Variants in MBNL1 observed in about 807,000 individuals in gnomAD.
MBNL1 encodes muscleblind-like protein 1.
In MBNL1, 8 loss-of-function variants were observed where a neutral mutation model predicts 42.2. The ratio of observed to expected loss-of-function variants is 0.19; its 90% CI spans 0.11 to 0.34. MBNL1 has a LOEUF of 0.34. Ranked by LOEUF, MBNL1 falls within the 10% of genes least tolerant of loss-of-function variation. MBNL1 has a pLI of 1.00. For synonymous variants in MBNL1, 169 were observed against 173.9 expected (o/e 0.97, Z 0.22); for missense variants, 309 against 495.3 (o/e 0.62, Z 3.57).
intron 2 of MBNL1, chr3:152,338,138 T>C: frequency 1.0e-6 from 1 of 985,046 alleles, no homozygotes; most frequent in Non-Finnish European, 1.2e-6. Context: ...CCATACCCAC[T>C]TCATCCGTGT....
chr3:152,303,344 ATACT>A (rs1008557578), intron 2 of MBNL1, among the ~76,000 whole-genome samples: 20 of 152,196 alleles, frequency 1.3e-4, no homozygotes, highest in African/African-American at 4.6e-4. Context: ...AATACTCTAA[ATACT>A]TAGTTTCTCT....
chr3:152,299,532 C>G lies in MBNL1; in HGVS notation c.-662C>G. The G allele has an allele frequency of 2.5e-6, 1 of 393,020 alleles. No homozygotes were observed. The highest frequency in any genetic ancestry group is 4.5e-6 in the Non-Finnish European group (1 of 222,780). 24.3% of individuals were successfully genotyped at this position (393,020 alleles called of 1,614,324 possible). On this transcript the variant is annotated 5_prime_UTR_variant, in exon 2 of 10. Coordinates refer to ENST00000324210, the MANE Select transcript of MBNL1 (RefSeq NM_021038.5). ...CAGCACATCCACCCTCCACCTCTAGCCCAGACACCCCCATTTCTACTTATA... is the reference window on the plus strand; with the variant it reads ...CAGCACATCCACCCTCCACCTCTAGGCCAGACACCCCCATTTCTACTTATA...
intron 2 of MBNL1, among the ~76,000 whole-genome samples, chr3:152,353,796 G>T (rs1013773225): frequency 6.6e-5 from 10 of 150,536 alleles, no homozygotes; most frequent in African/African-American, 2.0e-4. Flanking sequence ...CAAAATCTCT[G>T]CAGCCCACCC....
chr3:152,340,713 C>G, intron 2 of MBNL1: 1 of 1,614,016 alleles, frequency 6.2e-7, no homozygotes, highest in Non-Finnish European at 8.5e-7. Flanking sequence ...CGGGAGAACT[C>G]AAATGTTCCT....
At chr3:152,324,532 G>A (rs1384181077) in intron 2 of MBNL1, among the ~76,000 whole-genome samples, 2 of 152,100 alleles carry the variant, frequency 1.3e-5, no homozygotes, top group African/African-American at 2.4e-5. Flanking sequence ...TGGTGAGAGC[G>A]TTTACACTTT....
chr3:152,255,940 G>T (rs1051597794), intron 2 of MBNL1, among the ~76,000 whole-genome samples: 2 of 152,152 alleles, frequency 1.3e-5, no homozygotes, highest in African/African-American at 4.8e-5. Flanking sequence ...AAAGAGCCTG[G>T]GTCTCAAAGG....
chr3:152,295,746 G>T (rs2058280232), intron 1 of MBNL1, among the ~76,000 whole-genome samples: 1 of 152,184 alleles, frequency 6.6e-6, no homozygotes, highest in African/African-American at 2.4e-5. Context: ...GAAGGAATTT[G>T]CCAAGTTGCA....
At chr3:152,269,140 C>T (rs1309815721) in intron 1 of MBNL1, 48 bp downstream of exon 1, 1 of 439,578 alleles carries the variant, frequency 2.3e-6, no homozygotes, top group Admixed American at 2.4e-5. Context: ...ATTGTTCGGA[C>T]TCCGGCGGGT....
At chr3:152,413,601 C>T (rs893252946) in intron 2 of MBNL1, among the ~76,000 whole-genome samples, 2 of 152,098 alleles carry the variant, frequency 1.3e-5, no homozygotes, top group African/African-American at 4.8e-5. Flanking sequence ...GAGCCAAAAC[C>T]GATCATTTAA....
chr3:152,407,206 GTTCT>G (rs2098452313), intron 2 of MBNL1, among the ~76,000 whole-genome samples: 1 of 76,532 alleles, frequency 1.3e-5, no homozygotes, highest in African/African-American at 5.5e-5. Flanking sequence ...GTGGAAATAT[GTTCT>G]TTTTTTTTTT....
chr3:152,272,679 T>C (rs2042594488), intron 1 of MBNL1, among the ~76,000 whole-genome samples: 1 of 152,176 alleles, frequency 6.6e-6, no homozygotes, highest in South Asian at 2.1e-4. Flanking sequence ...GGGTATTGTT[T>C]TGAATATTAG....
chr3:152,286,272 A>G (rs183638127), intron 1 of MBNL1, among the ~76,000 whole-genome samples: 1 of 146,168 alleles, frequency 6.8e-6, no homozygotes, highest in East Asian at 2.0e-4. Context: ...TCCTTATTTT[A>G]TATTTTATTT....
intron 3 of MBNL1, among the ~76,000 whole-genome samples, chr3:152,425,568 A>G (rs1027551524): frequency 6.6e-6 from 1 of 151,912 alleles, no homozygotes; most frequent in Non-Finnish European, 1.5e-5. Context: ...AGATCACGCC[A>G]CTGCACTCCA....
intron 1 of MBNL1, among the ~76,000 whole-genome samples, chr3:152,288,321 T>C (rs1407255341): frequency 6.6e-6 from 1 of 152,170 alleles, no homozygotes. Flanking sequence ...TAATTAGAAG[T>C]GCATGCTGCT....
chr3:152,280,136 A>G (rs1223214248), intron 1 of MBNL1, among the ~76,000 whole-genome samples: 1 of 152,166 alleles, frequency 6.6e-6, no homozygotes, highest in African/African-American at 2.4e-5. Context: ...GCCATGTATC[A>G]TGCTATACCC....
chr3:152,261,555 T>C (rs928349042), intron 2 of MBNL1, among the ~76,000 whole-genome samples: 1 of 152,128 alleles, frequency 6.6e-6, no homozygotes, highest in African/African-American at 2.4e-5. Flanking sequence ...TGAATGACTT[T>C]AATCAGATAA....
At chr3:152,421,250 A>G (rs1006872608) in intron 3 of MBNL1, among the ~76,000 whole-genome samples, 4 of 152,228 alleles carry the variant, frequency 2.6e-5, no homozygotes, top group African/African-American at 9.6e-5. Context: ...TTGGGCAGAC[A>G]CTGAGCTAGC....
At chr3:152,404,249 A>G (rs2098351234) in intron 2 of MBNL1, among the ~76,000 whole-genome samples, 1 of 152,206 alleles carries the variant, frequency 6.6e-6, no homozygotes, top group South Asian at 2.1e-4. Flanking sequence ...ATGGCAGCCA[A>G]AATTTTACAC....
At chr3:152,378,416 A>G (rs2097017482) in intron 2 of MBNL1, among the ~76,000 whole-genome samples, 1 of 152,166 alleles carries the variant, frequency 6.6e-6, no homozygotes, top group African/African-American at 2.4e-5. Flanking sequence ...TCTATTTTGC[A>G]TGATAGCTCC....
Sources: gnomAD v4.1 joint callset for allele counts (sites outside exome capture counted in the v4.1 genomes callset) on GRCh38, gnomAD v4.1.1 for gene constraint, MANE v1.5 for transcripts, NCBI Gene and HGNC (gene_info 2026-07-23, HGNC 2026-07-21) for gene names.